The following KIR3DL1 variants were observed in gnomAD, a reference collection of about 807,000 sequenced individuals.
The protein encoded by KIR3DL1 is killer cell immunoglobulin-like receptor 3DL1.
Under a neutral mutation model 40.3 loss-of-function variants are expected in KIR3DL1, and 50 were observed. The ratio of observed to expected loss-of-function variants is 1.24; its 90% confidence interval spans 0.99 to 1.57. KIR3DL1 has a LOEUF of 1.57. Ranked by LOEUF, KIR3DL1 falls within the 40% of genes most tolerant of loss-of-function variation. KIR3DL1 has a pLI of 0.00. For missense variants in KIR3DL1, 661 were observed against 559.9 expected (o/e 1.18, Z -1.82); for synonymous variants, 257 against 207.2 (o/e 1.24, Z -2.07).
Position 54,819,766 on chromosome 19 carries a change from GGA to G in KIR3DL1, c.417_418del (p.Arg139SerfsTer12). ...CCACCCAGGTCCCCTGGTGAAATCA[GGA>G]GAGAGAGTCATCCTGCAATGTTGGT... On this transcript the variant is annotated frameshift_variant, in exon 4 of 9. Transcript: ENST00000391728. LOFTEE classifies it high-confidence loss of function. 2.5e-6 allele frequency: 4 copies of G among 1,610,806 alleles called. No homozygotes were observed. The highest frequency in any genetic ancestry group is 3.4e-6 in the Non-Finnish European group (4 of 1,178,668).
At chr19:54,818,470 T>C (rs780522843) in exon 3 of KIR3DL1, 2 of 1,609,582 alleles carry the variant, frequency 1.2e-6, no homozygotes, top group Non-Finnish European at 1.7e-6. Flanking sequence ...TGGCAGAATA[T>C]TCCAGGAGAG....
Position 54,830,553 on chromosome 19 carries a change from T to C in KIR3DL1, c.*278T>C. ...CACCTCTCCAACCTAACTGGCTTAC[T>C]TCCTAGTCTACTTGAGGCTGCAATC... On this transcript the variant is annotated 3_prime_UTR_variant, in exon 9 of 9. Transcript: ENST00000391728. 6.5e-6 allele frequency: 3 copies of C among 464,696 alleles called. 1 individual carries two copies. The highest frequency in any genetic ancestry group is 1.1e-5 in the Non-Finnish European group (3 of 261,544). 28.8% of individuals were successfully genotyped at this position (464,696 alleles called of 1,614,324 possible). A position where few individuals can be genotyped will look rare whatever the true frequency, so the allele number is the denominator to read the frequency against.
In KIR3DL1 at chr19:54,821,578, AC is replaced by A. The variant is rs1341269686; in HGVS notation, c.671del (p.Pro224LeufsTer17). ...TTCTCCTTCCAGGTCCATATGAGAA[AC>A]CTTCTCTCTCAGCCCAGCCGGGCCC... On this transcript the variant is annotated frameshift_variant, in exon 5 of 9. Coordinates refer to ENST00000391728, the Ensembl canonical transcript of KIR3DL1. LOFTEE classifies it high-confidence loss of function. 1.2e-6 allele frequency: 2 copies of A among 1,606,426 alleles called. No homozygotes were observed. The highest frequency in any genetic ancestry group is 1.3e-5 in the African/African-American group (1 of 74,076).
intron 7 of KIR3DL1, among the ~76,000 whole-genome samples, chr19:54,829,678 T>C (rs45497000): frequency 0.19 from 26,910 of 139,174 alleles, 4,096 homozygotes; most frequent in Middle Eastern, 0.29. Context: ...TCATGTCCCC[T>C]GCAGCCACTC....
At chr19:54,820,195 A>T (rs900358692) in intron 4 of KIR3DL1, among the ~76,000 whole-genome samples, 183 bp downstream of exon 4, 1 of 151,462 alleles carries the variant, frequency 6.6e-6, no homozygotes, top group Non-Finnish European at 1.5e-5. Context: ...AACAGGTGTC[A>T]TAACAGAGGA....
At chr19:54,824,041 C>G (rs615169) in intron 5 of KIR3DL1, among the ~76,000 whole-genome samples, 34,852 of 150,458 alleles carry the variant, frequency 0.23, 4,467 homozygotes, top group South Asian at 0.36. Context: ...CCTATTTTGT[C>G]GGTTGTCTCT....
In KIR3DL1 at chr19:54,829,063, C is replaced by T. The variant is rs539522152; in HGVS notation, c.1001-298C>T. On this transcript the variant is annotated intron_variant, in intron 6 of 8. Transcript: ENST00000391728. The stretch of plus-strand genomic sequence containing the variant: ...AGCATTGATCTGTTCATGATGGATC[C>T]ACCTCCATGACCCAAACACCTCCCA... Among the ~76,000 whole-genome samples the T allele has an allele frequency of 2.5e-4, 36 of 143,626 alleles. 2 individuals are homozygous for T. The highest frequency in any genetic ancestry group is 8.5e-4 in the African/African-American group (34 of 39,934). 94.2% of individuals were successfully genotyped at this position (143,626 alleles called of 152,430 possible).
intron 6 of KIR3DL1, among the ~76,000 whole-genome samples, chr19:54,827,547 G>A (rs1301788762): frequency 6.6e-6 from 1 of 150,596 alleles, no homozygotes; most frequent in Non-Finnish European, 1.5e-5. Context: ...CCCAGGAGGT[G>A]GAGGTTGCAG....
intron 5 of KIR3DL1, 149 bp from the exon 6 acceptor site, chr19:54,824,879 A>G (rs1257720578): frequency 1.2e-6 from 1 of 802,210 alleles, no homozygotes. Context: ...TGGGCATCGC[A>G]CACAAAAATT....
At chr19:54,827,491 A>G (rs3117642) in intron 6 of KIR3DL1, among the ~76,000 whole-genome samples, 27,857 of 149,884 alleles carry the variant, frequency 0.19, 3,044 homozygotes, top group South Asian at 0.31. Context: ...GCATCCCTGT[A>G]ATCCCAGCTC....
chr19:54,821,378 G>C lies in KIR3DL1; in HGVS notation c.656-187G>C, dbSNP rs1373311939. On this transcript the variant is annotated intron_variant, in intron 4 of 8. Coordinates refer to ENST00000391728, the Ensembl canonical transcript of KIR3DL1. ...AACATACCTCAGGGTGGGGAAGTGA[G>C]GTCATAGACCTAGAGAGACAGAAAA... 2.0e-5 allele frequency among the ~76,000 whole-genome samples: 3 copies of C among 151,156 alleles called. No individual in the cohort carries two copies. The East Asian group carries it at 5.8e-4, about 29-fold the overall frequency.
At chr19:54,827,940 T>C (rs149331942) in intron 6 of KIR3DL1, among the ~76,000 whole-genome samples, 27,986 of 148,126 alleles carry the variant, frequency 0.19, 3,164 homozygotes, top group South Asian at 0.33. Flanking sequence ...TACAGATAGA[T>C]CATGGGGAGG....
intron 1 of KIR3DL1, among the ~76,000 whole-genome samples, 155 bp downstream of exon 1, chr19:54,816,689 A>AGTGGAGATAGGGGCCTGGG (rs2061348044): frequency 2.9e-5 from 3 of 103,288 alleles, no homozygotes; most frequent in Non-Finnish European, 5.8e-5. Flanking sequence ...CTGGGCCTGG[A>AGTGGAGATAGGGGCCTGGG]GTGGAGATAG....
intron 8 of KIR3DL1, 48 bp downstream of exon 8, chr19:54,830,028 G>A (rs762279607): frequency 1.3e-6 from 2 of 1,522,892 alleles, no homozygotes; most frequent in Middle Eastern, 1.7e-4. Flanking sequence ...TTCCCAAACA[G>A]TCCTGGAAAA....
At chr19:54,828,463 C>G (rs2062024391) in intron 6 of KIR3DL1, among the ~76,000 whole-genome samples, 1 of 151,080 alleles carries the variant, frequency 6.6e-6, no homozygotes, top group South Asian at 2.1e-4. Flanking sequence ...TCATTACTAA[C>G]AGATAAGCAG....
intron 4 of KIR3DL1, among the ~76,000 whole-genome samples, chr19:54,820,860 G>A (rs1424353331): frequency 6.6e-6 from 1 of 151,202 alleles, no homozygotes; most frequent in African/African-American, 2.4e-5. Context: ...GAACTAGAGA[G>A]ACTGAGAGGC....
At chr19:54,827,555 C>T (rs1378364697) in intron 6 of KIR3DL1, among the ~76,000 whole-genome samples, 1 of 150,578 alleles carries the variant, frequency 6.6e-6, no homozygotes, top group Non-Finnish European at 1.5e-5. Context: ...GTGGAGGTTG[C>T]AGTGAGTGGA....
rs643861 is a variant in KIR3DL1, at chr19:54,818,581, G to C, written c.337G>C (p.Val113Leu). The C allele has an allele frequency of 6.1e-5, 98 of 1,609,942 alleles. 1 individual carries two copies. Among genetic ancestry groups the C allele is most frequent in the East Asian group, 4.7e-4 (21 of 44,796 alleles). Residue 113 changes from valine (V) to leucine (L), a missense_variant, in exon 3 of 9, where the codon GTG becomes CTG. Coordinates refer to ENST00000391728, the Ensembl canonical transcript of KIR3DL1. Reference sequence around the variant, plus strand: ...TGGGTGGTCGGCACCCAGCAACCCCGTGGTGATCATGGTCACAGGTCAGAG... The same window carrying C: ...TGGGTGGTCGGCACCCAGCAACCCCCTGGTGATCATGGTCACAGGTCAGAG...
intron 6 of KIR3DL1, among the ~76,000 whole-genome samples, chr19:54,828,876 G>A (rs1341525584): frequency 7.1e-6 from 1 of 141,742 alleles, no homozygotes; most frequent in Non-Finnish European, 1.6e-5. Context: ...TCCCACTCTG[G>A]CAGAAGGGAA....
Sources: allele counts gnomAD v4.1 joint callset (sites outside exome capture counted in the v4.1 genomes callset), GRCh38; gene constraint gnomAD v4.1.1; transcripts MANE v1.5; gene names NCBI Gene and HGNC (gene_info 2026-07-23, HGNC 2026-07-21).